The following DPH6 variants were observed in gnomAD, a reference collection of about 807,000 sequenced individuals.
DPH6 encodes diphthamine biosynthesis 6, also known as diphthine--ammonia ligase.
A neutral mutation model predicts 38.2 loss-of-function variants in DPH6; 33 were observed. The observed-to-expected ratio is 0.86, with a 90% CI of 0.65 to 1.15. DPH6 has a LOEUF of 1.15. Ranked by LOEUF, DPH6 falls within the 50% of genes most tolerant of loss-of-function variation. The probability of loss-of-function intolerance (pLI) is 0.00; values close to 1 mark genes in which losing one functional copy is unlikely to be tolerated. For missense variants in DPH6, 325 were observed against 320.0 expected (o/e 1.02, Z -0.12); for synonymous variants, 108 against 103.0 (o/e 1.05, Z -0.30).
chr15:35,289,681 G>A (rs913902975), intron 3 of DPH6, among the ~76,000 whole-genome samples: 5 of 152,146 alleles, frequency 3.3e-5, no homozygotes, highest in African/African-American at 1.2e-4. Context: ...TTATGTTTTA[G>A]ATTCTAAACT....
rs1415623344 is a variant in DPH6 at position 35,539,054 on chromosome 15, T to C, written c.119-587A>G. ...TACAAATGTGCATAGAAATATGATA[T>C]CTTAAGCTAATCAATAATATAATCA... On this transcript the variant is annotated intron_variant, in intron 2 of 8. Transcript: ENST00000256538. Among the ~76,000 whole-genome samples the C allele has an allele frequency of 2.6e-5, 4 of 152,146 alleles. No individual in the cohort carries two copies. The East Asian group carries it at 7.7e-4, about 29-fold the overall frequency.
chr15:35,411,328 A>T (rs189310402), intron 5 of DPH6, among the ~76,000 whole-genome samples: 1 of 151,760 alleles, frequency 6.6e-6, no homozygotes. Flanking sequence ...TTAGACAATA[A>T]GAGTAGAAAA....
chr15:35,544,989 G>A (rs1310790143), intron 1 of DPH6, among the ~76,000 whole-genome samples: 3 of 152,266 alleles, frequency 2.0e-5, no homozygotes, highest in African/African-American at 7.2e-5. Context: ...TAATTATTGT[G>A]ACATTATGGT....
At chr15:35,256,672 A>G (rs2051710322) in intron 3 of DPH6, among the ~76,000 whole-genome samples, 1 of 152,222 alleles carries the variant, frequency 6.6e-6, no homozygotes, top group Admixed American at 6.5e-5. Flanking sequence ...TCTGGGATTT[A>G]GCCATGTCTG....
At chr15:35,243,965 A>G (rs2051618416) in intron 3 of DPH6, among the ~76,000 whole-genome samples, 1 of 152,364 alleles carries the variant, frequency 6.6e-6, no homozygotes, top group South Asian at 2.1e-4. Flanking sequence ...TGGATGGATG[A>G]TTCATAAAGC....
At chr15:35,151,437 T>C in the DPH6 span, among the ~76,000 whole-genome samples, 2 of 152,224 alleles carry the variant, frequency 1.3e-5, no homozygotes, top group African/African-American at 2.4e-5. Context: ...TTTGAGAATA[T>C]AGCAGATCCT....
chr15:35,158,673 T>C, the DPH6 span, among the ~76,000 whole-genome samples: 2 of 152,238 alleles, frequency 1.3e-5, no homozygotes, highest in East Asian at 3.9e-4. Context: ...TTTTCAGCTT[T>C]TGAATTTTTT....
the DPH6 span, among the ~76,000 whole-genome samples, chr15:35,185,650 C>T: frequency 1.1e-4 from 17 of 149,992 alleles, no homozygotes; most frequent in African/African-American, 3.4e-4. Flanking sequence ...CGAAAATTTT[C>T]GAGCGTAGAA....
intron 5 of DPH6, among the ~76,000 whole-genome samples, chr15:35,447,183 C>T (rs1045010783): frequency 6.6e-6 from 1 of 152,120 alleles, no homozygotes; most frequent in African/African-American, 2.4e-5. Context: ...CTATACATCA[C>T]CAATTTCCCT....
the DPH6 span, among the ~76,000 whole-genome samples, chr15:35,164,370 C>T: frequency 6.6e-6 from 1 of 151,552 alleles, no homozygotes; most frequent in Admixed American, 6.6e-5. Flanking sequence ...AATCTATTTC[C>T]CCAAACACTA....
chr15:35,309,333 G>T (rs796375965), intron 3 of DPH6, among the ~76,000 whole-genome samples: 27 of 152,280 alleles, frequency 1.8e-4, no homozygotes, highest in African/African-American at 6.3e-4. Flanking sequence ...AGGTCATTAA[G>T]AAAGAGAATA....
At chr15:35,489,598 C>G in intron 3 of DPH6, 1 of 982,548 alleles carries the variant, frequency 1.0e-6, no homozygotes, top group Non-Finnish European at 1.2e-6. Flanking sequence ...AATACCTACC[C>G]AAGAGCAAAT....
At chr15:35,161,933 T>C in the DPH6 span, among the ~76,000 whole-genome samples, 1 of 152,036 alleles carries the variant, frequency 6.6e-6, no homozygotes, top group South Asian at 2.1e-4. Flanking sequence ...AGACTGCTTC[T>C]CCTCAGGTTA....
intron 3 of DPH6, among the ~76,000 whole-genome samples, chr15:35,494,189 T>C (rs2054519256): frequency 6.6e-6 from 1 of 152,112 alleles, no homozygotes; most frequent in Admixed American, 6.6e-5. Flanking sequence ...GCTTAAAAAA[T>C]TGCCTTTAGT....
intron 3 of DPH6, among the ~76,000 whole-genome samples, chr15:35,273,198 CAT>C (rs1385805122): frequency 6.6e-6 from 1 of 152,102 alleles, no homozygotes; most frequent in Non-Finnish European, 1.5e-5. Context: ...TGTCTGGTTA[CAT>C]GAGTAAGTTC....
intron 3 of DPH6, chr15:35,237,223 G>C: frequency 3.9e-6 from 4 of 1,019,686 alleles, no homozygotes; most frequent in Non-Finnish European, 4.6e-6. Context: ...CTGGGGGCTC[G>C]AGAACTGAGC....
intron 4 of DPH6, 114 bp from the exon 5 acceptor site, chr15:35,450,917 A>T: frequency 8.6e-6 from 7 of 813,976 alleles, no homozygotes; most frequent in Non-Finnish European, 1.3e-5. Context: ...TTTAGCATTG[A>T]AAATGCTTTT....
At chr15:35,224,254 C>A (rs1011346204) in intron 3 of DPH6, among the ~76,000 whole-genome samples, 6 of 151,878 alleles carry the variant, frequency 4.0e-5, no homozygotes, top group Non-Finnish European at 8.8e-5. Context: ...TCACAGGCAC[C>A]CACCACCATG....
chr15:35,165,193 C>T, the DPH6 span, among the ~76,000 whole-genome samples: 5 of 151,848 alleles, frequency 3.3e-5, no homozygotes, highest in South Asian at 6.2e-4. Flanking sequence ...CTTTATTACA[C>T]ACCCTCTATT....
Sources: allele counts gnomAD v4.1 joint callset (sites outside exome capture counted in the v4.1 genomes callset), GRCh38; gene constraint gnomAD v4.1.1; transcripts MANE v1.5; gene names NCBI Gene and HGNC (gene_info 2026-07-23, HGNC 2026-07-21).